DPP8: variants seen among roughly 807,000 people sequenced by gnomAD.
The protein encoded by DPP8 is DPP VIII.
Under a neutral mutation model 107.5 loss-of-function variants are expected in DPP8, and 31 were observed. That is an observed-to-expected ratio of 0.29 (90% CI 0.22 to 0.39). DPP8 has a LOEUF of 0.39. Among genes scored for constraint, DPP8 ranks in the 10% least tolerant of loss-of-function variants. The pLI is 1.00. For missense variants in DPP8, 842 were observed against 1,076.1 expected, an observed-to-expected ratio of 0.78 and a Z score of 3.04; for synonymous variants, 381 against 356.6, an observed-to-expected ratio of 1.07 and a Z score of -0.77.
chr15:65,466,558 G>C (rs1222664461), intron 14 of DPP8, 120 bp downstream of exon 14: 1 of 879,136 alleles, frequency 1.1e-6, no homozygotes, highest in African/African-American at 1.7e-5. Context: ...CAGCAGCTCA[G>C]GGACAGGCAG....
In DPP8 at chr15:65,487,812, C is replaced by G. The variant is rs201159759; in HGVS notation, c.833G>C (p.Ser278Thr). Residue 278 changes from serine (S) to threonine (T), a missense_variant, in exon 7 of 20, where the codon AGT becomes ACT. Ser to Thr is a moderately conservative substitution (Grantham distance 58). This residue lies in a region of DPP8 where 663 missense variants were observed against 758.0 expected (regional missense o/e 0.87). Coordinates refer to ENST00000300141, the MANE Select transcript of DPP8 (RefSeq NM_130434.5). ...TAGAATTCTAAGAATTTTACCACCA[C>G]TGGGAGCTTAAAAGAAATTTAAATA... is the stretch of plus-strand genomic sequence containing the variant. The part of the protein sequence containing the change: ...WWCPKAETTP[S>T]GGKILRILYE... The G allele has an allele frequency of 1.3e-6, 2 of 1,547,364 alleles. No individual in the cohort carries two copies. The highest frequency in any genetic ancestry group is 2.8e-5 in the African/African-American group (2 of 72,508).
intron 7 of DPP8, among the ~76,000 whole-genome samples, chr15:65,486,986 T>G (rs2067502842): frequency 6.6e-6 from 1 of 151,348 alleles, no homozygotes; most frequent in Non-Finnish European, 1.5e-5. Context: ...GAAATAAAAT[T>G]TAAAATAAAA....
At chr15:65,502,825 G>C (rs1304248645) in intron 3 of DPP8, 1 of 152,004 alleles carries the variant, frequency 6.6e-6, no homozygotes, top group Non-Finnish European at 1.5e-5. Flanking sequence ...TGCTACATTT[G>C]ACTGACATTA....
At chr15:65,503,740 A>C (rs957589364) in intron 3 of DPP8, among the ~76,000 whole-genome samples, 2 of 152,034 alleles carry the variant, frequency 1.3e-5, no homozygotes, top group African/African-American at 4.8e-5. Context: ...CTCCCACCTC[A>C]GCCTCCCGAG....
chr15:65,480,128 TA>T (rs899897736), intron 10 of DPP8, 93 bp downstream of exon 10: 1,238 of 1,083,644 alleles, frequency 1.1e-3, no homozygotes, highest in Middle Eastern at 1.4e-3. Flanking sequence ...CCTTTAAACT[TA>T]AAAAAAAATG....
chr15:65,493,466 A>G (rs1421983555), intron 5 of DPP8, among the ~76,000 whole-genome samples: 1 of 152,142 alleles, frequency 6.6e-6, no homozygotes, highest in East Asian at 1.9e-4. Flanking sequence ...AATCATATAC[A>G]CCAATATTCC....
At chr15:65,449,546 A>G (rs1440654143) in intron 19 of DPP8, among the ~76,000 whole-genome samples, 1 of 151,786 alleles carries the variant, frequency 6.6e-6, no homozygotes, top group African/African-American at 2.4e-5. Context: ...AGTAGTTGGG[A>G]TTACAGGCAT....
In DPP8 at chr15:65,474,263, C is replaced by A; in HGVS notation, c.1482G>T (p.Glu494Asp). The change falls in exon 12 of 20, where the codon GAG (glutamate) becomes GAT (aspartate). Residue 494 changes from glutamate (E) to aspartate (D), a missense_variant. Physicochemically the swap from Glu to Asp is conservative, Grantham distance 45. This residue lies in a region of DPP8 where 663 missense variants were observed against 758.0 expected (regional missense o/e 0.87). Transcript: ENST00000300141. ...ATTCACCACTGGTAATTGCTATCTC[C>A]TCTTTGATAGGACACTTGAAATCAC... ...APSDFKCPIK[E>D]EIAITSGEWE... The A allele has an allele frequency of 6.2e-7, 1 of 1,611,752 alleles. No individual in the cohort carries two copies. Among genetic ancestry groups the A allele is most frequent in the Non-Finnish European group, 8.5e-7 (1 of 1,177,918 alleles).
intron 2 of DPP8, among the ~76,000 whole-genome samples, chr15:65,510,561 C>T (rs1042537976): frequency 3.3e-5 from 5 of 151,064 alleles, no homozygotes; most frequent in Admixed American, 6.6e-5. Context: ...TTACTTGAGA[C>T]GAAGTCTCGC....
At chr15:65,483,015 T>G (rs976546116) in intron 8 of DPP8, among the ~76,000 whole-genome samples, 1 of 151,942 alleles carries the variant, frequency 6.6e-6, no homozygotes, top group Non-Finnish European at 1.5e-5. Flanking sequence ...GAGAATGGCG[T>G]GAACCCGGGA....
At chr15:65,449,193 G>C (rs1327929744) in intron 19 of DPP8, among the ~76,000 whole-genome samples, 1 of 143,058 alleles carries the variant, frequency 7.0e-6, no homozygotes, top group Non-Finnish European at 1.5e-5. Flanking sequence ...CTGGGTGACA[G>C]AGCAAGTCTC....
intron 2 of DPP8, 73 bp downstream of exon 2, chr15:65,512,222 T>G: frequency 7.1e-7 from 1 of 1,407,118 alleles, no homozygotes; most frequent in Non-Finnish European, 9.8e-7. Flanking sequence ...AACTTTTGAG[T>G]GTCAATTATA....
intron 2 of DPP8, among the ~76,000 whole-genome samples, chr15:65,509,892 G>T (rs1007335754): frequency 6.6e-6 from 1 of 151,964 alleles, no homozygotes; most frequent in Non-Finnish European, 1.5e-5. Flanking sequence ...ATAGTGGTAT[G>T]TGCCTATAGT....
chr15:65,505,635 A>C (rs919227321), intron 3 of DPP8, among the ~76,000 whole-genome samples: 1 of 152,166 alleles, frequency 6.6e-6, no homozygotes, highest in Non-Finnish European at 1.5e-5. Flanking sequence ...GGCAATGTTC[A>C]TGACAAATAG....
intron 3 of DPP8, among the ~76,000 whole-genome samples, chr15:65,502,201 G>A (rs965022736): frequency 6.6e-6 from 1 of 151,982 alleles, no homozygotes; most frequent in African/African-American, 2.4e-5. Flanking sequence ...CATGAAAGAA[G>A]TGATTTCTTT....
intron 5 of DPP8, among the ~76,000 whole-genome samples, chr15:65,497,222 T>C (rs1241415669): frequency 2.0e-5 from 3 of 151,892 alleles, no homozygotes; most frequent in African/African-American, 7.3e-5. Flanking sequence ...GTAATTGGTT[T>C]TTCTATCTGT....
intron 11 of DPP8, 82 bp from the exon 12 acceptor site, chr15:65,474,370 CT>C: frequency 9.5e-7 from 1 of 1,049,286 alleles, no homozygotes; most frequent in Non-Finnish European, 1.4e-6. Context: ...ACTCTAAGCT[CT>C]TTTTTCCAAA....
chr15:65,512,559 A>C lies in DPP8; in HGVS notation c.-6T>G. ...GTTTCCATTGCTGCTGCCATGTTGCATTTTCCTAGAAAAACAAGGCACATG... is the reference window on the plus strand; with the variant it reads ...GTTTCCATTGCTGCTGCCATGTTGCCTTTTCCTAGAAAAACAAGGCACATG... On this transcript the variant is annotated 5_prime_UTR_variant, in exon 2 of 20. The change abolishes an upstream ATG in the 5' untranslated region. Coordinates refer to ENST00000300141, the MANE Select transcript of DPP8 (RefSeq NM_130434.5). 1 of 1,613,890 alleles carries C rather than the reference A, an allele frequency of 6.2e-7. No individual in the cohort carries two copies. Among genetic ancestry groups the C allele is most frequent in the Non-Finnish European group, 8.5e-7 (1 of 1,179,958 alleles).
chr15:65,475,584 G>A (rs900697018), intron 11 of DPP8: 2 of 1,166,702 alleles, frequency 1.7e-6, no homozygotes, highest in Non-Finnish European at 2.5e-6. Context: ...TGACTCCCTG[G>A]CACTTCTGAG....
Sources: gnomAD v4.1 joint callset for allele counts (sites outside exome capture counted in the v4.1 genomes callset) on GRCh38, gnomAD v4.1.1 for gene constraint, gnomAD v4.1.1 regional missense constraint, MANE v1.5 for transcripts, NCBI Gene and HGNC (gene_info 2026-07-23, HGNC 2026-07-21) for gene names.